The following THSD4 variants were observed in gnomAD, a reference collection of about 807,000 sequenced individuals.
The protein encoded by THSD4 is thrombospondin type 1 domain containing 4, also known as thrombospondin type-1 domain-containing protein 4.
In THSD4, 69 loss-of-function variants were observed where a neutral mutation model predicts 119.0. The observed-to-expected ratio is 0.58, with a 90% confidence interval of 0.48 to 0.71. The LOEUF (loss-of-function observed/expected upper bound fraction) is 0.71. Among genes scored for constraint, THSD4 ranks in the 30% least tolerant of loss-of-function variants. The pLI, the probability that THSD4 is intolerant of heterozygous loss-of-function variation, is 0.00. For synonymous variants in THSD4, 524 were observed against 540.4 expected (o/e 0.97, Z 0.42); for missense variants, 1,393 against 1,391.1 (o/e 1.00, Z -0.02).
At chr15:71,295,080 C>A (rs1278524407) in intron 6 of THSD4, among the ~76,000 whole-genome samples, 1 of 152,034 alleles carries the variant, frequency 6.6e-6, no homozygotes, top group Non-Finnish European at 1.5e-5. Context: ...AAGGGATGCT[C>A]TGGTTGTAGC....
At chr15:71,594,039 G>A (rs2049860182) in intron 7 of THSD4, among the ~76,000 whole-genome samples, 3 of 152,038 alleles carry the variant, frequency 2.0e-5, no homozygotes, top group Admixed American at 2.0e-4. Context: ...TTGAGAGGGT[G>A]GTGAGGTGGG....
chr15:71,115,465 C>G (rs1419818231), upstream of THSD4: 2 of 152,120 alleles, frequency 1.3e-5, no homozygotes, highest in East Asian at 1.9e-4. This position sits in a 1 kb window ranked among gnomAD's most constrained non-coding sequence, Gnocchi z 4.4. Context: ...ATCCCGCTCT[C>G]GGATCGCAAA....
intron 8 of THSD4, among the ~76,000 whole-genome samples, chr15:71,667,133 A>T (rs2051432194): frequency 6.6e-6 from 1 of 152,194 alleles, no homozygotes; most frequent in East Asian, 1.9e-4. Flanking sequence ...CAAAATATAG[A>T]CTGTTTCATG....
chr15:71,253,827 C>T (rs570386861), intron 5 of THSD4, among the ~76,000 whole-genome samples: 2 of 152,294 alleles, frequency 1.3e-5, no homozygotes, highest in African/African-American at 2.4e-5. Context: ...CCAGAGATAA[C>T]ACTTTTAACC....
chr15:71,282,361 C>T (rs1320664417), intron 6 of THSD4, among the ~76,000 whole-genome samples: 1 of 151,898 alleles, frequency 6.6e-6, no homozygotes, highest in African/African-American at 2.4e-5. Context: ...TATCCCTGTC[C>T]AGCTGTACCA....
intron 8 of THSD4, among the ~76,000 whole-genome samples, chr15:71,718,757 A>G (rs1333497166): frequency 3.3e-5 from 5 of 150,896 alleles, no homozygotes; most frequent in Non-Finnish European, 5.9e-5. Flanking sequence ...ATTCTTCAAG[A>G]CCCCCAATGC....
intron 6 of THSD4, among the ~76,000 whole-genome samples, chr15:71,313,308 G>C (rs1039331165): frequency 6.6e-6 from 1 of 152,200 alleles, no homozygotes; most frequent in Admixed American, 6.5e-5. Flanking sequence ...TCACATATGT[G>C]TGTGTGTGCA....
chr15:71,747,101 AG>A, intron 13 of THSD4, 59 bp downstream of exon 13: 1 of 1,526,020 alleles, frequency 6.6e-7, no homozygotes, highest in Non-Finnish European at 8.8e-7. Context: ...CACACTTTCC[AG>A]CCTCCCCCAC....
intron 7 of THSD4, among the ~76,000 whole-genome samples, chr15:71,442,773 T>A (rs1430154785): frequency 1.4e-5 from 2 of 145,844 alleles, no homozygotes; most frequent in Non-Finnish European, 3.0e-5. Context: ...CTCTGCTTCC[T>A]CTTTGCTTTG....
chr15:71,755,243 G>C (rs1274684276), intron 14 of THSD4, among the ~76,000 whole-genome samples: 1 of 152,238 alleles, frequency 6.6e-6, no homozygotes, highest in African/African-American at 2.4e-5. Flanking sequence ...CTTTGCTCCA[G>C]AGGGAGTTTC....
At chr15:71,661,010 A>G (rs1205755941) in intron 8 of THSD4, among the ~76,000 whole-genome samples, 1 of 152,260 alleles carries the variant, frequency 6.6e-6, no homozygotes, top group African/African-American at 2.4e-5. Flanking sequence ...TAAAGTGGAT[A>G]ACAGCCCAAA....
intron 6 of THSD4, among the ~76,000 whole-genome samples, chr15:71,406,465 A>G (rs950797410): frequency 9.2e-5 from 14 of 152,022 alleles, no homozygotes; most frequent in Non-Finnish European, 7.4e-5. Context: ...CAAGTATTCT[A>G]TTTCCTTATT....
At chr15:71,151,711 C>T (rs769420293) in intron 2 of THSD4, among the ~76,000 whole-genome samples, 17 of 152,166 alleles carry the variant, frequency 1.1e-4, no homozygotes, top group Admixed American at 3.3e-4. Context: ...TCTGGGAACC[C>T]GCTGTCTCTA....
chr15:71,547,602 T>A (rs889597370), intron 7 of THSD4: 19 of 1,167,664 alleles, frequency 1.6e-5, no homozygotes, highest in Non-Finnish European at 2.2e-5. Flanking sequence ...TAATGCTTTA[T>A]ATTACTTTTG....
chr15:71,381,619 T>C (rs1203200334), intron 6 of THSD4, among the ~76,000 whole-genome samples: 2 of 152,202 alleles, frequency 1.3e-5, no homozygotes, highest in East Asian at 3.8e-4. Context: ...TTATCGATAG[T>C]TGACTGTGGA....
At chr15:71,708,573 CCT>C (rs1443687598) in intron 8 of THSD4, among the ~76,000 whole-genome samples, 1 of 151,958 alleles carries the variant, frequency 6.6e-6, no homozygotes, top group African/African-American at 2.4e-5. Flanking sequence ...TTTTTTCAGT[CCT>C]AGGGCAAAGC....
At chr15:71,342,701 ATCC>A (rs2045599206) in intron 6 of THSD4, 1 of 152,238 alleles carries the variant, frequency 6.6e-6, no homozygotes, top group Non-Finnish European at 1.5e-5. Context: ...GTTGGAGGGG[ATCC>A]CACCTCAGCC....
intron 6 of THSD4, among the ~76,000 whole-genome samples, chr15:71,406,714 C>T (rs546978988): frequency 1.9e-4 from 28 of 150,534 alleles, no homozygotes; most frequent in Admixed American, 1.4e-3. Flanking sequence ...GAGTCTTGCT[C>T]TGTCACCCAG....
At chr15:71,463,249 G>T (rs147234274) in intron 7 of THSD4, among the ~76,000 whole-genome samples, 57 of 152,142 alleles carry the variant, frequency 3.7e-4, no homozygotes, top group African/African-American at 1.2e-3. Context: ...TTCTCCCAGC[G>T]TTGTGTCATC....
Sources: allele counts gnomAD v4.1 joint callset (sites outside exome capture counted in the v4.1 genomes callset), GRCh38; gene constraint gnomAD v4.1.1; non-coding constraint Gnocchi (gnomAD v3.1); transcripts MANE v1.5; gene names NCBI Gene and HGNC (gene_info 2026-07-23, HGNC 2026-07-21).